The following E2F3 variants were observed in gnomAD, a reference collection of about 807,000 sequenced individuals.
E2F3 encodes transcription factor E2F3.
Under a neutral mutation model 44.4 loss-of-function variants are expected in E2F3, and 11 were observed. The ratio of observed to expected loss-of-function variants is 0.25; its 90% CI spans 0.16 to 0.41. The LOEUF (loss-of-function observed/expected upper bound fraction) is 0.41, where lower values mean the gene tolerates loss of function less well. Ranked by LOEUF, E2F3 falls within the 10% of genes least tolerant of loss-of-function variation. E2F3 has a pLI of 1.00. For synonymous variants in E2F3, 249 were observed against 253.0 expected (o/e 0.98, Z 0.15); for missense variants, 487 against 583.6 (o/e 0.83, Z 1.70).
intron 1 of E2F3, among the ~76,000 whole-genome samples, chr6:20,435,191 A>C (rs1371235295): frequency 6.6e-6 from 1 of 152,168 alleles, no homozygotes; most frequent in African/African-American, 2.4e-5. Flanking sequence ...CACATGCCCC[A>C]AGTCTCCAAC....
intron 1 of E2F3, among the ~76,000 whole-genome samples, chr6:20,407,769 T>G (rs1439306576): frequency 6.6e-6 from 1 of 152,238 alleles, no homozygotes; most frequent in Non-Finnish European, 1.5e-5. Flanking sequence ...ATATTCCATT[T>G]GTAGGACCAG....
At chr6:20,403,812 G>C in intron 1 of E2F3, 1 of 1,498,698 alleles carries the variant, frequency 6.7e-7, no homozygotes, top group Non-Finnish European at 8.9e-7. Flanking sequence ...GCTGGTTTCG[G>C]AAATGCCCTT....
intron 1 of E2F3, among the ~76,000 whole-genome samples, chr6:20,416,199 G>A (rs564009497): frequency 1.3e-5 from 2 of 152,276 alleles, no homozygotes; most frequent in East Asian, 1.9e-4. Context: ...ATTAAGTTGG[G>A]CTTCCGTTTC....
At chr6:20,435,303 T>A (rs547494898) in intron 1 of E2F3, among the ~76,000 whole-genome samples, 1 of 152,100 alleles carries the variant, frequency 6.6e-6, no homozygotes, top group East Asian at 1.9e-4. Flanking sequence ...ATGTAAAAAA[T>A]TAATAGACAA....
At chr6:20,409,142 C>T (rs1346040304) in intron 1 of E2F3, among the ~76,000 whole-genome samples, 1 of 152,022 alleles carries the variant, frequency 6.6e-6, no homozygotes. Flanking sequence ...TCTCATGAAC[C>T]CTATATGGGA....
chr6:20,479,936 C>T lies in E2F3; in HGVS notation c.484C>T (p.Arg162Ter). 3 of 1,611,036 alleles carry T rather than the reference C, an allele frequency of 1.9e-6. No homozygotes were observed. Among genetic ancestry groups the T allele is most frequent in the Non-Finnish European group, 2.5e-6 (3 of 1,178,504 alleles). ...TPKGKGRAAL[R>*]SPDSPKTPKS... ...CAAGGGCAAAGGAAGAGCTGCACTA[C>T]GAAGTCCAGATAGTCCAAAAAGTAA... is the stretch of plus-strand genomic sequence containing the variant. Residue 162 changes from arginine to a stop codon, truncating the protein, a stop_gained, in exon 2 of 7, where the codon CGA becomes TGA. Transcript: ENST00000346618. LOFTEE classifies it high-confidence loss of function.
At chr6:20,429,468 TACTGTATAGGAAAAA>T (rs1760324449) in intron 1 of E2F3, among the ~76,000 whole-genome samples, 1 of 152,200 alleles carries the variant, frequency 6.6e-6, no homozygotes. Flanking sequence ...CCTCATTCCT[TACTGTATAGGAAAAA>T]ACAGTATGTA....
rs1478710445 is a variant in E2F3, at chr6:20,491,256, C to T, written c.*826C>T. Reference sequence around the variant, plus strand: ...TCTAGACTTTTAATTTTTTTAGCTGCCATTTAAGCATTCCTGTGGCACCCA... The same window carrying T: ...TCTAGACTTTTAATTTTTTTAGCTGTCATTTAAGCATTCCTGTGGCACCCA... On this transcript the variant is annotated 3_prime_UTR_variant, in exon 7 of 7. Transcript: ENST00000346618. 4.3e-6 allele frequency: 1 copy of T among 231,176 alleles called. No homozygotes were observed. Among genetic ancestry groups the T allele is most frequent in the Non-Finnish European group, 8.6e-6 (1 of 116,516 alleles). 14.3% of individuals were successfully genotyped at this position (231,176 alleles called of 1,614,324 possible). A position where few individuals can be genotyped will look rare whatever the true frequency, so the allele number is the denominator to read the frequency against.
chr6:20,410,181 A>G (rs951527569), intron 1 of E2F3, among the ~76,000 whole-genome samples: 3 of 152,166 alleles, frequency 2.0e-5, no homozygotes, highest in Non-Finnish European at 4.4e-5. Context: ...TTTCTGATAC[A>G]TAACCAGAGC....
chr6:20,480,162 G>A (rs545478409), intron 2 of E2F3: 25 of 707,562 alleles, frequency 3.5e-5, no homozygotes, highest in Non-Finnish European at 4.3e-5. Flanking sequence ...TACCATAAGG[G>A]AAGACTTCTT....
intron 1 of E2F3, among the ~76,000 whole-genome samples, chr6:20,420,139 T>C (rs1759977010): frequency 6.6e-6 from 1 of 152,226 alleles, no homozygotes; most frequent in African/African-American, 2.4e-5. Context: ...CCACCACCGC[T>C]ACTATTACTG....
At chr6:20,403,716 G>A in intron 1 of E2F3, 2 of 592,012 alleles carry the variant, frequency 3.4e-6, no homozygotes, top group Non-Finnish European at 5.1e-6. Context: ...CCCCCCCACC[G>A]GCGCCCGCCC....
At chr6:20,470,589 T>A (rs1761856823) in intron 1 of E2F3, among the ~76,000 whole-genome samples, 1 of 152,224 alleles carries the variant, frequency 6.6e-6, no homozygotes, top group Non-Finnish European at 1.5e-5. Flanking sequence ...CTTCATTCTT[T>A]TTATTTCTAT....
chr6:20,424,420 C>T (rs1429066768), intron 1 of E2F3, among the ~76,000 whole-genome samples: 2 of 151,274 alleles, frequency 1.3e-5, no homozygotes, highest in South Asian at 2.1e-4. Flanking sequence ...TACATGCATA[C>T]ATGCATGTAT....
At chr6:20,439,930 CCAATATTGGTCTCTTTCTTTCT>C (rs1401233269) in intron 1 of E2F3, 1 of 152,196 alleles carries the variant, frequency 6.6e-6, no homozygotes, top group African/African-American at 2.4e-5. Context: ...ACATTTATGA[CCAATATTGGTCTCTTTCTTTCT>C]GTAGGTTTGA....
chr6:20,465,618 C>T (rs913640601), intron 1 of E2F3, among the ~76,000 whole-genome samples: 8 of 152,178 alleles, frequency 5.3e-5, no homozygotes, highest in African/African-American at 1.2e-4. Flanking sequence ...CACTCCCCTG[C>T]GTCCCCAAAG....
At position 20,492,126 on chromosome 6, in the gene E2F3, A is replaced by G; in HGVS notation, c.*1696A>G. ...AGTAGGCACTCAACTCATATGTTTA[A>G]TTGAATTGAAAATATCCCTTAGGAA... is the stretch of plus-strand genomic sequence containing the variant. On this transcript the variant is annotated 3_prime_UTR_variant, in exon 7 of 7. Transcript: ENST00000346618. 4.6e-6 allele frequency: 1 copy of G among 216,194 alleles called. No individual in the cohort carries two copies. Among genetic ancestry groups the G allele is most frequent in the Non-Finnish European group, 9.3e-6 (1 of 107,368 alleles). The allele number at this position is 216,194 out of a possible 1,614,324, so 13.4% of individuals were successfully genotyped here.
intron 1 of E2F3, among the ~76,000 whole-genome samples, chr6:20,461,558 C>T (rs992055725): frequency 6.6e-6 from 1 of 152,156 alleles, no homozygotes; most frequent in East Asian, 1.9e-4. Context: ...ATTTCTCATA[C>T]TTTGCCTGTG....
At chr6:20,411,355 C>T (rs1156467001) in intron 1 of E2F3, among the ~76,000 whole-genome samples, 1 of 152,106 alleles carries the variant, frequency 6.6e-6, no homozygotes, top group Admixed American at 6.6e-5. Flanking sequence ...TTGTCTTGCT[C>T]TCCAGAGGCA....
Sources: allele counts gnomAD v4.1 joint callset (sites outside exome capture counted in the v4.1 genomes callset), GRCh38; gene constraint gnomAD v4.1.1; transcripts MANE v1.5; gene names NCBI Gene and HGNC (gene_info 2026-07-23, HGNC 2026-07-21).